NWD2: variants seen among roughly 807,000 people sequenced by gnomAD.
NWD2 encodes the protein NACHT and WD repeat domain-containing protein 2.
Under a neutral mutation model 132.7 loss-of-function variants are expected in NWD2, and 37 were observed. That is an observed-to-expected ratio of 0.28 (90% CI 0.21 to 0.37). The LOEUF is 0.37. Among genes scored for constraint, NWD2 ranks in the 10% least tolerant of loss-of-function variants. The pLI is 1.00. For synonymous variants in NWD2, 705 were observed against 803.0 expected (o/e 0.88, Z 2.06); for missense variants, 1,592 against 2,122.4 (o/e 0.75, Z 4.91).
At chr4:37,253,918 T>C (rs1376485359) in intron 1 of NWD2, among the ~76,000 whole-genome samples, 1 of 152,198 alleles carries the variant, frequency 6.6e-6, no homozygotes, top group African/African-American at 2.4e-5. Context: ...TTCTTCTTTT[T>C]TTTATCCATC....
At chr4:37,308,332 A>G (rs1718753073) in intron 1 of NWD2, among the ~76,000 whole-genome samples, 1 of 152,100 alleles carries the variant, frequency 6.6e-6, no homozygotes, top group Non-Finnish European at 1.5e-5. Context: ...ACAGTAGTGT[A>G]GTGTCCATGT....
At chr4:37,428,174 C>T (rs576809579) in intron 3 of NWD2, among the ~76,000 whole-genome samples, 20 of 152,316 alleles carry the variant, frequency 1.3e-4, no homozygotes, top group East Asian at 1.9e-4. Context: ...CTTAATCTTT[C>T]AGCTGCCTGT....
chr4:37,404,309 G>A (rs35513961), intron 3 of NWD2, among the ~76,000 whole-genome samples: 29,649 of 151,984 alleles, frequency 0.2, 4,267 homozygotes, highest in African/African-American at 0.4. Context: ...TATTATTGCC[G>A]GGCTTCTAAT....
intron 1 of NWD2, among the ~76,000 whole-genome samples, chr4:37,270,292 T>C (rs914127749): frequency 5.9e-5 from 9 of 151,782 alleles, no homozygotes; most frequent in African/African-American, 1.7e-4. Flanking sequence ...GGCACAGAGG[T>C]ATTTAAAAAT....
At chr4:37,245,528 C>T (rs1007635558) in intron 1 of NWD2, among the ~76,000 whole-genome samples, 1 of 151,234 alleles carries the variant, frequency 6.6e-6, no homozygotes, top group African/African-American at 2.4e-5. Flanking sequence ...CCGCCGCCAC[C>T]ACCACCTCCT....
intron 1 of NWD2, among the ~76,000 whole-genome samples, chr4:37,300,613 A>G (rs377265974): frequency 6.6e-6 from 1 of 152,124 alleles, no homozygotes; most frequent in Non-Finnish European, 1.5e-5. Flanking sequence ...AATATGACCT[A>G]TTTCAGAAAG....
At chr4:37,299,958 A>G (rs1718579446) in intron 1 of NWD2, among the ~76,000 whole-genome samples, 1 of 152,124 alleles carries the variant, frequency 6.6e-6, no homozygotes. Context: ...TTTAACCCCC[A>G]TACACTATAC....
intron 1 of NWD2, among the ~76,000 whole-genome samples, chr4:37,294,107 G>A (rs1577658389): frequency 6.6e-6 from 1 of 152,094 alleles, no homozygotes; most frequent in African/African-American, 2.4e-5. Context: ...TGTCAGATGA[G>A]GGAATATAAT....
rs143815974 is a variant in NWD2, at chr4:37,287,526, G to A, written c.152-38410G>A. On this transcript the variant is annotated intron_variant, in intron 1 of 6. Transcript: ENST00000309447. ...ACAGCCCAACACAGCTGTGGCATAC[G>A]GTGGCCAGAGCACCTCTTCAGACCT... Among the ~76,000 whole-genome samples, 1,019 of 152,278 alleles carry A rather than the reference G, an allele frequency of 6.7e-3. 4 individuals are homozygous for A. The highest frequency in any genetic ancestry group is 0.012 in the Non-Finnish European group (803 of 68,020).
intron 1 of NWD2, among the ~76,000 whole-genome samples, chr4:37,298,119 C>T (rs1193745642): frequency 6.6e-6 from 1 of 152,048 alleles, no homozygotes; most frequent in Non-Finnish European, 1.5e-5. Context: ...AGTGTGGTTT[C>T]ATTCCAGATT....
At chr4:37,292,099 C>A (rs1480535002) in intron 1 of NWD2, among the ~76,000 whole-genome samples, 1 of 152,156 alleles carries the variant, frequency 6.6e-6, no homozygotes, top group Non-Finnish European at 1.5e-5. Context: ...AAGGGCCTTG[C>A]CTCAGTACAT....
At chr4:37,260,088 G>T (rs916576782) in intron 1 of NWD2, among the ~76,000 whole-genome samples, 3 of 152,154 alleles carry the variant, frequency 2.0e-5, no homozygotes, top group African/African-American at 7.2e-5. Flanking sequence ...GTACCATCAG[G>T]CTTGTGTCAC....
chr4:37,248,583 T>G (rs1717290789), intron 1 of NWD2, among the ~76,000 whole-genome samples: 1 of 152,228 alleles, frequency 6.6e-6, no homozygotes, highest in Non-Finnish European at 1.5e-5. Flanking sequence ...GCTACTGTAC[T>G]TCTGCCAGAA....
At chr4:37,317,639 A>G (rs1718984449) in intron 1 of NWD2, among the ~76,000 whole-genome samples, 1 of 152,200 alleles carries the variant, frequency 6.6e-6, no homozygotes, top group Admixed American at 6.5e-5. Context: ...TTCATGAATA[A>G]TGACTTCTCA....
At chr4:37,355,742 G>A (rs1211435991) in intron 2 of NWD2, among the ~76,000 whole-genome samples, 2 of 152,152 alleles carry the variant, frequency 1.3e-5, no homozygotes, top group African/African-American at 2.4e-5. Flanking sequence ...TAGGGAGATA[G>A]AGGATCCTAT....
intron 3 of NWD2, among the ~76,000 whole-genome samples, chr4:37,396,115 C>T (rs1720787733): frequency 6.6e-6 from 1 of 152,222 alleles, no homozygotes; most frequent in African/African-American, 2.4e-5. Context: ...CCAACCCTGC[C>T]TGCCGTCTTG....
rs569743615 is a variant in NWD2, at chr4:37,280,217, A to G, written c.151+34999A>G. Among the ~76,000 whole-genome samples, 21 of 152,332 alleles carry G rather than the reference A, an allele frequency of 1.4e-4. No homozygotes were observed. In the South Asian group the frequency reaches 4.4e-3, roughly 32 times the overall value. On this transcript the variant is annotated intron_variant, in intron 1 of 6. Transcript: ENST00000309447. ...AAAACATCACCAAACTTCTAAATAA[A>G]AACCAAAACACTTCTAATATTAAAC...
rs767509994 is a variant in NWD2 at position 37,444,844 on chromosome 4, G to A, written c.2856G>A (p.Met952Ile). The A allele has an allele frequency of 9.0e-6, 14 of 1,552,096 alleles. No individual in the cohort carries two copies. The highest frequency in any genetic ancestry group is 7.1e-5 in the South Asian group (6 of 84,068). The change falls in exon 7 of 7, where the codon ATG becomes ATA. Residue 952 changes from methionine (M) to isoleucine (I), a missense_variant. Physicochemically the swap from Met to Ile is conservative, Grantham distance 10 (BLOSUM62 1). Around this residue, in one of 7 missense-constraint regions of NWD2, gnomAD observed 1,071 missense variants for 1,398.0 expected, o/e 0.77. Transcript: ENST00000309447. This position sits in a 1 kb window ranked among gnomAD's most constrained non-coding sequence, Gnocchi z 4.8. Reference protein sequence around the residue: ...YCSIVPLHSSMDVTYSPERLP... With the variant: ...YCSIVPLHSSIDVTYSPERLP... ...CCATTGTACCACTGCATTCATCCATGGATGTGACATACAGCCCAGAGCGTC... is the reference window on the plus strand; with the variant it reads ...CCATTGTACCACTGCATTCATCCATAGATGTGACATACAGCCCAGAGCGTC...
At chr4:37,346,326 TG>T in intron 2 of NWD2, among the ~76,000 whole-genome samples, 1 of 152,352 alleles carries the variant, frequency 6.6e-6, no homozygotes, top group Middle Eastern at 3.4e-3. Context: ...TGACCTTATG[TG>T]TGAAGATTTA....
Sources: allele counts gnomAD v4.1 joint callset (sites outside exome capture counted in the v4.1 genomes callset), GRCh38; gene constraint gnomAD v4.1.1; regional missense constraint gnomAD v4.1.1; non-coding constraint Gnocchi (gnomAD v3.1); transcripts MANE v1.5; gene names NCBI Gene and HGNC (gene_info 2026-07-23, HGNC 2026-07-21).